Variants in SLC35A3 observed in about 807,000 individuals in gnomAD.
SLC35A3 encodes solute carrier family 35 member A3.
A neutral mutation model predicts 39.0 loss-of-function variants in SLC35A3; 26 were observed. The ratio of observed to expected loss-of-function variants is 0.67; its 90% CI spans 0.49 to 0.92. SLC35A3 has a LOEUF of 0.92. Among genes scored for constraint, SLC35A3 ranks in the 40% least tolerant of loss-of-function variants. The probability of loss-of-function intolerance (pLI) is 0.00; values close to 1 mark genes in which losing one functional copy is unlikely to be tolerated. For synonymous variants in SLC35A3, 135 were observed against 133.1 expected (o/e 1.01, Z -0.10); for missense variants, 299 against 371.6 (o/e 0.80, Z 1.61).
intron 3 of SLC35A3, among the ~76,000 whole-genome samples, chr1:100,001,799 A>G (rs373590131): frequency 3.3e-5 from 5 of 151,964 alleles, no homozygotes; most frequent in Admixed American, 1.3e-4. Context: ...TTATGTTGAT[A>G]TGTTCCTAGG....
chr1:100,020,499 G>C (rs192094154), intron 7 of SLC35A3, among the ~76,000 whole-genome samples: 9 of 152,270 alleles, frequency 5.9e-5, no homozygotes, highest in Non-Finnish European at 1.2e-4. Context: ...ATACATTACA[G>C]GATGTTTTAT....
At chr1:99,998,958 A>C (rs1173624171) in intron 2 of SLC35A3, among the ~76,000 whole-genome samples, 1 of 152,212 alleles carries the variant, frequency 6.6e-6, no homozygotes, top group Non-Finnish European at 1.5e-5. Context: ...TTAACAAATT[A>C]AAACTTTGAG....
chr1:99,975,607 G>A (rs967604956), intron 1 of SLC35A3, among the ~76,000 whole-genome samples: 1 of 152,146 alleles, frequency 6.6e-6, no homozygotes, highest in African/African-American at 2.4e-5. Flanking sequence ...GAGAAGAGGT[G>A]TTTAAAAAGA....
intron 1 of SLC35A3, among the ~76,000 whole-genome samples, chr1:99,988,647 C>T (rs1657893439): frequency 7.4e-6 from 1 of 135,894 alleles, no homozygotes; most frequent in Non-Finnish European, 1.6e-5. Flanking sequence ...TCCCTCCCCT[C>T]TCCTCCCCTC....
chr1:100,007,312 T>C, intron 4 of SLC35A3, 156 bp downstream of exon 4: 1 of 614,458 alleles, frequency 1.6e-6, no homozygotes, highest in Non-Finnish European at 2.8e-6. Flanking sequence ...TTATGTGACA[T>C]ACTACATTGG....
At chr1:99,995,117 TTTCTTTCTTTC>T (rs1658316000) in intron 2 of SLC35A3, among the ~76,000 whole-genome samples, 3 of 99,492 alleles carry the variant, frequency 3.0e-5, no homozygotes, top group Non-Finnish European at 4.4e-5. Flanking sequence ...TCTTTCTTTC[TTTCTTTCTTTC>T]TTTCTTTCTT....
chr1:100,003,188 G>T (rs1055099179), intron 3 of SLC35A3, among the ~76,000 whole-genome samples: 1 of 151,962 alleles, frequency 6.6e-6, no homozygotes, highest in African/African-American at 2.4e-5. Flanking sequence ...GGCCAAGGTG[G>T]GTGGATTACC....
intron 3 of SLC35A3, among the ~76,000 whole-genome samples, chr1:100,004,692 T>A (rs1570605403): frequency 6.6e-6 from 1 of 152,024 alleles, no homozygotes. Context: ...TTTATTTACC[T>A]ATTTTTTAAT....
Position 100,030,371 on chromosome 1 carries a change from A to T in SLC35A3, c.*7895A>T, listed in dbSNP as rs1661158718. The T allele has an allele frequency of 6.6e-6, 1 of 152,260 alleles. No individual in the cohort carries two copies. Among genetic ancestry groups the T allele is most frequent in the Non-Finnish European group, 1.5e-5 (1 of 68,052 alleles). The allele number at this position is 152,260 out of a possible 1,614,324, so 9.4% of individuals were successfully genotyped here. A position where few individuals can be genotyped will look rare whatever the true frequency, so the allele number is the denominator to read the frequency against. ...TCACTGAAAATTCACGTTAAAATAT[A>T]CTTTAAGCTTGTCCAACGCGCGGCC... On this transcript the variant is annotated 3_prime_UTR_variant, in exon 8 of 8. Transcript: ENST00000533028.
chr1:99,978,480 C>T (rs1657254651), intron 1 of SLC35A3, among the ~76,000 whole-genome samples: 1 of 152,172 alleles, frequency 6.6e-6, no homozygotes, highest in African/African-American at 2.4e-5. Context: ...TGAGCCGTGG[C>T]ATGCCACTGC....
intron 3 of SLC35A3, among the ~76,000 whole-genome samples, chr1:100,001,624 TAA>T (rs1557835462): frequency 6.6e-6 from 1 of 152,178 alleles, no homozygotes; most frequent in African/African-American, 2.4e-5. Context: ...CCTCTCTATA[TAA>T]GATCATGTCA....
chr1:100,017,352 T>C (rs1660223663), intron 6 of SLC35A3, among the ~76,000 whole-genome samples: 1 of 152,224 alleles, frequency 6.6e-6, no homozygotes. Flanking sequence ...CTATTTAAAG[T>C]GACCAGTCCT....
intron 1 of SLC35A3, chr1:99,979,040 T>C (rs1247058468): frequency 6.6e-6 from 1 of 152,160 alleles, no homozygotes; most frequent in African/African-American, 2.4e-5. Flanking sequence ...AGCATTCCCT[T>C]AGGGAAGAAA....
At chr1:99,985,980 T>C (rs777352910) in intron 1 of SLC35A3, among the ~76,000 whole-genome samples, 21 of 152,262 alleles carry the variant, frequency 1.4e-4, no homozygotes, top group Middle Eastern at 3.4e-3. Flanking sequence ...GATGAGTCTT[T>C]AGTGTTTTCT....
chr1:99,973,947 G>A (rs750220040), intron 1 of SLC35A3, among the ~76,000 whole-genome samples: 9 of 151,632 alleles, frequency 5.9e-5, no homozygotes, highest in African/African-American at 1.2e-4. Context: ...CGCGGGAGGC[G>A]GAGGTTGCAG....
chr1:99,983,504 A>G (rs1657576249), intron 1 of SLC35A3, among the ~76,000 whole-genome samples: 1 of 151,438 alleles, frequency 6.6e-6, no homozygotes, highest in African/African-American at 2.4e-5. Context: ...GCGCCACTGC[A>G]CTCCAGCCTG....
intron 5 of SLC35A3, among the ~76,000 whole-genome samples, chr1:100,013,498 A>G (rs904961085): frequency 6.6e-5 from 10 of 151,154 alleles, no homozygotes; most frequent in African/African-American, 1.7e-4. Context: ...CTGTGGTCCA[A>G]GCTACTTCGG....
intron 3 of SLC35A3, among the ~76,000 whole-genome samples, chr1:100,001,447 T>TG (rs1184826991): frequency 1.3e-5 from 2 of 152,162 alleles, no homozygotes; most frequent in Non-Finnish European, 2.9e-5. Context: ...TTCCCAGATT[T>TG]TTTTTTTGTA....
chr1:99,972,944 T>C (rs2101012247), intron 1 of SLC35A3, among the ~76,000 whole-genome samples: 1 of 152,352 alleles, frequency 6.6e-6, no homozygotes, highest in African/African-American at 2.4e-5. Context: ...CCCTGGGACC[T>C]ACATATACGC....
Sources: allele counts gnomAD v4.1 joint callset (sites outside exome capture counted in the v4.1 genomes callset), GRCh38; gene constraint gnomAD v4.1.1; transcripts MANE v1.5; gene names NCBI Gene and HGNC (gene_info 2026-07-23, HGNC 2026-07-21).